TULP4: variants seen among roughly 807,000 people sequenced by gnomAD.
TULP4 encodes tubby-related protein 4.
In TULP4, 16 loss-of-function variants were observed where a neutral mutation model predicts 129.0. That is an observed-to-expected ratio of 0.12 (90% CI 0.08 to 0.19). The LOEUF (loss-of-function observed/expected upper bound fraction) is 0.19, where lower values mean the gene tolerates loss of function less well. Among genes scored for constraint, TULP4 ranks in the 10% least tolerant of loss-of-function variants. TULP4 has a pLI of 1.00. For missense variants in TULP4, 1,842 were observed against 2,059.1 expected (o/e 0.89, Z 2.04); for synonymous variants, 998 against 854.0 (o/e 1.17, Z -2.94).
At chr6:158,338,037 G>C (rs1355690768) in intron 1 of TULP4, among the ~76,000 whole-genome samples, 1 of 152,116 alleles carries the variant, frequency 6.6e-6, no homozygotes, top group Non-Finnish European at 1.5e-5. Flanking sequence ...GTTATTGAAG[G>C]GTAGGTACAA....
At chr6:158,460,550 T>C (rs558541933) in intron 5 of TULP4, among the ~76,000 whole-genome samples, 1 of 152,332 alleles carries the variant, frequency 6.6e-6, no homozygotes, top group Admixed American at 6.5e-5. Context: ...AGATAAACCT[T>C]TTAATAACCA....
intron 1 of TULP4, among the ~76,000 whole-genome samples, chr6:158,335,916 T>C (rs1780021770): frequency 6.6e-6 from 1 of 152,264 alleles, no homozygotes; most frequent in Non-Finnish European, 1.5e-5. Flanking sequence ...GTGAATAATT[T>C]GTGTGTATGT....
At chr6:158,275,989 T>TA (rs1170954032) in intron 1 of TULP4, among the ~76,000 whole-genome samples, 3 of 152,090 alleles carry the variant, frequency 2.0e-5, no homozygotes, top group Admixed American at 1.3e-4. Flanking sequence ...TTTTTTTTGT[T>TA]ACGGCAGTCT....
Position 158,506,707 on chromosome 6 carries a change from G to A in TULP4, c.*13G>A, listed in dbSNP as rs2128268402. ...GCGCCTCAAATGAAGAGACTGGTGT[G>A]GGGAGGAGAGAGATGCAGAGAGCCT... On this transcript the variant is annotated 3_prime_UTR_variant, in exon 14 of 14. Transcript: ENST00000367097. The A allele has an allele frequency of 6.4e-6, 10 of 1,554,774 alleles. No individual in the cohort carries two copies. Among genetic ancestry groups the A allele is most frequent in the Non-Finnish European group, 8.9e-6 (10 of 1,126,428 alleles).
chr6:158,233,699 G>A (rs1777639665), intron 1 of TULP4, among the ~76,000 whole-genome samples: 1 of 152,228 alleles, frequency 6.6e-6, no homozygotes, highest in African/African-American at 2.4e-5. Flanking sequence ...GAATGGGAGA[G>A]TCACAAGTGT....
intron 1 of TULP4, among the ~76,000 whole-genome samples, chr6:158,317,780 T>C (rs1223290901): frequency 2.0e-5 from 3 of 152,198 alleles, no homozygotes; most frequent in African/African-American, 4.8e-5. Flanking sequence ...ACCAACAGTG[T>C]AAAAGCGTTA....
chr6:158,463,699 TAAA>T (rs35577143), intron 6 of TULP4, among the ~76,000 whole-genome samples: 2 of 135,286 alleles, frequency 1.5e-5, no homozygotes, highest in Admixed American at 7.5e-5. Context: ...TAGACTTCAT[TAAA>T]AAAAAAAAAA....
At chr6:158,462,736 C>CT (rs948496952) in intron 6 of TULP4, among the ~76,000 whole-genome samples, 4 of 129,032 alleles carry the variant, frequency 3.1e-5, no homozygotes, top group Admixed American at 7.9e-5. Flanking sequence ...TACCCTATGT[C>CT]TTTTTTTTTC....
chr6:158,502,458 A>G lies in TULP4; in HGVS notation c.2795A>G (p.Lys932Arg). The G allele has an allele frequency of 6.2e-7, 1 of 1,613,298 alleles. No homozygotes were observed. The highest frequency in any genetic ancestry group is 8.5e-7 in the Non-Finnish European group (1 of 1,179,812). Residue 932 changes from lysine to arginine, a missense_variant, in exon 13 of 14, where the codon AAG becomes AGG. Physicochemically the swap from Lys to Arg is conservative, Grantham distance 26 (BLOSUM62 2). Transcript: ENST00000367097. Reference protein sequence around the residue: ...SATLRLTATEKKVPQPCSSAT... With the variant: ...SATLRLTATERKVPQPCSSAT... ...ACCTTGAGGCTCACGGCCACTGAGAAGAAGGTCCCTCAGCCCTGCAGCAGT... is the reference window on the plus strand; with the variant it reads ...ACCTTGAGGCTCACGGCCACTGAGAGGAAGGTCCCTCAGCCCTGCAGCAGT...
At chr6:158,474,070 C>T (rs549535845) in intron 6 of TULP4, among the ~76,000 whole-genome samples, 4 of 152,058 alleles carry the variant, frequency 2.6e-5, no homozygotes, top group African/African-American at 7.2e-5. Flanking sequence ...ATCTTCCTGC[C>T]TCAGCCTCCC....
At chr6:158,291,229 T>C (rs1402737805) in intron 1 of TULP4, among the ~76,000 whole-genome samples, 2 of 152,250 alleles carry the variant, frequency 1.3e-5, no homozygotes, top group Non-Finnish European at 2.9e-5. Context: ...TTAGATGTTA[T>C]ATTGCGAGGT....
chr6:158,328,170 T>TGGAGGAGCAGGAGGAGGGAGGA (rs1779793291), intron 1 of TULP4, among the ~76,000 whole-genome samples: 2 of 142,254 alleles, frequency 1.4e-5, no homozygotes, highest in Admixed American at 1.5e-4. Flanking sequence ...ATATGAAAGT[T>TGGAGGAGCAGGAGGAGGGAGGA]GGAGGAGCAG....
chr6:158,476,987 A>G (rs917045287), intron 6 of TULP4, among the ~76,000 whole-genome samples: 3 of 152,158 alleles, frequency 2.0e-5, no homozygotes, highest in Non-Finnish European at 2.9e-5. Context: ...CTAACCTCAT[A>G]TGTTAGATGA....
At chr6:158,285,108 C>A (rs1437913793) in intron 1 of TULP4, among the ~76,000 whole-genome samples, 1 of 152,094 alleles carries the variant, frequency 6.6e-6, no homozygotes, top group Non-Finnish European at 1.5e-5. Context: ...CTTAATTGTT[C>A]TCTGATTATT....
Position 158,398,614 on chromosome 6 carries a change from A to G in TULP4, c.253-14451A>G, listed in dbSNP as rs181536085. 5.3e-5 allele frequency: 8 copies of G among 152,334 alleles called. No individual in the cohort carries two copies. In the East Asian group the frequency reaches 1.5e-3, roughly 29 times the overall value. 9.4% of individuals were successfully genotyped at this position (152,334 alleles called of 1,614,324 possible). A position where few individuals can be genotyped will look rare whatever the true frequency, so the allele number is the denominator to read the frequency against. ...TGCAAATGCCAGCCTTTCCCTTCTT[A>G]CTAATTTTTAAAAAAGACTTTCTGA... On this transcript the variant is annotated intron_variant, in intron 1 of 13. Transcript: ENST00000367097.
intron 1 of TULP4, among the ~76,000 whole-genome samples, chr6:158,349,068 A>C (rs538349455): frequency 2.8e-4 from 4 of 14,336 alleles, no homozygotes; most frequent in East Asian, 4.1e-3. Flanking sequence ...CGGGGCGGCC[A>C]GGCAGAGGCG....
rs1024362760 is a variant in TULP4, at chr6:158,510,414, C to G, written c.*3720C>G. ...GTCCCTGGGGCTGGCTAGGCCTCCA[C>G]TTGTCCATCTGTGAAATGAAAGGAT... On this transcript the variant is annotated 3_prime_UTR_variant, in exon 14 of 14. Transcript: ENST00000367097. 7.9e-5 allele frequency: 12 copies of G among 152,334 alleles called. No individual in the cohort carries two copies. The highest frequency in any genetic ancestry group is 2.9e-4 in the African/African-American group (12 of 41,560). 9.4% of individuals were successfully genotyped at this position (152,334 alleles called of 1,614,324 possible). A position where few individuals can be genotyped will look rare whatever the true frequency, so the allele number is the denominator to read the frequency against.
In TULP4 at chr6:158,511,517, A is replaced by G. The variant is rs1462603554; in HGVS notation, c.*4823A>G. The G allele has an allele frequency of 3.3e-5, 5 of 151,860 alleles. No homozygotes were observed. The highest frequency in any genetic ancestry group is 1.3e-4 in the Admixed American group (2 of 15,194). 9.4% of individuals were successfully genotyped at this position (151,860 alleles called of 1,614,324 possible). On this transcript the variant is annotated 3_prime_UTR_variant, in exon 14 of 14. Transcript: ENST00000367097. ...ACTGCTTGTGCACCTCAGTTCCTCC[A>G]GTGTTGGTTTGTTTGTTTTTTAATT... is the stretch of plus-strand genomic sequence containing the variant.
At chr6:158,256,992 G>C (rs558758238) in intron 1 of TULP4, among the ~76,000 whole-genome samples, 1 of 152,266 alleles carries the variant, frequency 6.6e-6, no homozygotes, top group South Asian at 2.1e-4. Flanking sequence ...TGGCTGATAG[G>C]AAACCAGCAG....
Sources: allele counts gnomAD v4.1 joint callset (sites outside exome capture counted in the v4.1 genomes callset), GRCh38; gene constraint gnomAD v4.1.1; transcripts MANE v1.5; gene names NCBI Gene and HGNC (gene_info 2026-07-23, HGNC 2026-07-21).